IPO11: variants seen among roughly 807,000 people sequenced by gnomAD.
IPO11 encodes the protein importin-11.
In IPO11, 66 loss-of-function variants were observed where a neutral mutation model predicts 143.2. That is an observed-to-expected ratio of 0.46 (90% confidence interval 0.38 to 0.57). IPO11 has a LOEUF of 0.57. IPO11 is among the 20% of genes least tolerant of loss of function. The probability of loss-of-function intolerance (pLI) is 0.00; values close to 1 mark genes in which losing one functional copy is unlikely to be tolerated. For synonymous variants in IPO11, 385 were observed against 377.8 expected, an observed-to-expected ratio of 1.02 and a Z score of -0.22; for missense variants, 1,026 against 1,141.0, an observed-to-expected ratio of 0.90 and a Z score of 1.45.
At chr5:62,440,072 G>GA (rs1744410780) in intron 2 of IPO11, among the ~76,000 whole-genome samples, 2 of 152,158 alleles carry the variant, frequency 1.3e-5, no homozygotes, top group Non-Finnish European at 2.9e-5. Flanking sequence ...AGAAAGTTAG[G>GA]AAGTTTCTGC....
chr5:62,553,264 T>G (rs1471102349), intron 26 of IPO11, among the ~76,000 whole-genome samples: 1 of 152,118 alleles, frequency 6.6e-6, no homozygotes, highest in Non-Finnish European at 1.5e-5. Context: ...CTAGCCTCAC[T>G]CATGTTGCCA....
chr5:62,454,380 G>A (rs979489370), intron 5 of IPO11, among the ~76,000 whole-genome samples: 1 of 152,090 alleles, frequency 6.6e-6, no homozygotes, highest in African/African-American at 2.4e-5. Context: ...TTTTGTTGGG[G>A]AGAGTCTCAA....
chr5:62,489,295 T>A lies in IPO11; in HGVS notation c.1310-7T>A, dbSNP rs1398542847. ...TACTGATACCTATTTATATATATAT[T>A]TTTTAGGACCCACAAATGTGGAAGA... On this transcript the variant is annotated splice_region_variant and splice_polypyrimidine_tract_variant and intron_variant, in intron 13 of 29. Coordinates refer to ENST00000325324, the MANE Select transcript of IPO11 (RefSeq NM_016338.5). 5 of 1,507,862 alleles carry A rather than the reference T, an allele frequency of 3.3e-6. No homozygotes were observed. The highest frequency in any genetic ancestry group is 4.5e-6 in the Non-Finnish European group (5 of 1,116,636). The allele number at this position is 1,507,862 out of a possible 1,614,324, so 93.4% of individuals were successfully genotyped here.
At chr5:62,548,541 C>T (rs1188792613) in intron 24 of IPO11, among the ~76,000 whole-genome samples, 2 of 152,166 alleles carry the variant, frequency 1.3e-5, no homozygotes, top group Non-Finnish European at 2.9e-5. Context: ...AAAATACACT[C>T]TCTTCGTTCT....
At position 62,498,164 on chromosome 5, in the gene IPO11, A is replaced by G. The variant is rs1014046046; in HGVS notation, c.1590+4040A>G. On this transcript the variant is annotated intron_variant, in intron 16 of 29. Transcript: ENST00000325324. Reference sequence around the variant, plus strand: ...AGATTAAATACTGTTTTCATTAGCCATTTTTTTTTTGCATGTGGTCCAGTG... The same window carrying G: ...AGATTAAATACTGTTTTCATTAGCCGTTTTTTTTTTGCATGTGGTCCAGTG... 6.8e-5 allele frequency among the ~76,000 whole-genome samples: 10 copies of G among 147,174 alleles called. 1 individual carries two copies. The highest frequency in any genetic ancestry group is 4.8e-4 in the Admixed American group (7 of 14,712).
chr5:62,622,516 C>T (rs575430983), intron 29 of IPO11, among the ~76,000 whole-genome samples: 1 of 152,224 alleles, frequency 6.6e-6, no homozygotes, highest in East Asian at 1.9e-4. Flanking sequence ...ATTTTGATTC[C>T]CATTTAATTG....
At chr5:62,580,766 C>T in intron 27 of IPO11, 1 of 1,551,382 alleles carries the variant, frequency 6.4e-7, no homozygotes, top group East Asian at 2.4e-5. Context: ...AATGGCAGTC[C>T]TCTGGAAAAT....
chr5:62,582,841 A>G (rs1038898603), intron 27 of IPO11, among the ~76,000 whole-genome samples: 33 of 152,212 alleles, frequency 2.2e-4, no homozygotes, highest in African/African-American at 7.7e-4. Flanking sequence ...GTAAGTGCCT[A>G]TGCTTGTTGG....
intron 29 of IPO11, among the ~76,000 whole-genome samples, chr5:62,611,525 T>C (rs1745926606): frequency 6.6e-6 from 1 of 152,190 alleles, no homozygotes; most frequent in Non-Finnish European, 1.5e-5. Flanking sequence ...TATTTTTTAG[T>C]TGAGATTTCA....
intron 28 of IPO11, 68 bp from the exon 29 acceptor site, chr5:62,601,696 A>T: frequency 1.4e-6 from 1 of 723,916 alleles, no homozygotes; most frequent in Non-Finnish European, 2.1e-6. Context: ...TAGTGATTTT[A>T]AGGACTTATT....
At chr5:62,622,727 G>T (rs774255984) in intron 29 of IPO11, among the ~76,000 whole-genome samples, 1 of 152,160 alleles carries the variant, frequency 6.6e-6, no homozygotes, top group Non-Finnish European at 1.5e-5. Flanking sequence ...AGGACTAATA[G>T]AAAGAAAAAT....
At chr5:62,502,719 A>G (rs1413700008) in intron 16 of IPO11, among the ~76,000 whole-genome samples, 3 of 152,156 alleles carry the variant, frequency 2.0e-5, no homozygotes, top group Admixed American at 6.6e-5. Flanking sequence ...GTGCATCTCT[A>G]GAATAAATGG....
chr5:62,482,527 A>G (rs555702938), intron 9 of IPO11, among the ~76,000 whole-genome samples: 1 of 152,220 alleles, frequency 6.6e-6, no homozygotes, highest in African/African-American at 2.4e-5. Context: ...GCTAAGATTG[A>G]TGAGTGATCT....
chr5:62,552,349 A>ATGTAG (rs1303383302), intron 26 of IPO11, among the ~76,000 whole-genome samples: 4 of 152,114 alleles, frequency 2.6e-5, no homozygotes, highest in African/African-American at 9.6e-5. Context: ...TTTAAAATAT[A>ATGTAG]TGTAGCTTTT....
chr5:62,602,081 T>C (rs1399565488), intron 29 of IPO11, among the ~76,000 whole-genome samples: 1 of 152,220 alleles, frequency 6.6e-6, no homozygotes, highest in African/African-American at 2.4e-5. Context: ...GCAGAGCAGA[T>C]GATTTAGTGT....
intron 24 of IPO11, among the ~76,000 whole-genome samples, chr5:62,544,848 T>C (rs888658203): frequency 2.0e-5 from 3 of 152,192 alleles, no homozygotes; most frequent in African/African-American, 7.2e-5. Flanking sequence ...CCATTCACAG[T>C]TGCTTCAAAG....
At chr5:62,416,363 A>G (rs1296700765) in intron 1 of IPO11, among the ~76,000 whole-genome samples, 1 of 151,430 alleles carries the variant, frequency 6.6e-6, no homozygotes, top group African/African-American at 2.4e-5. Flanking sequence ...TTATATTTTT[A>G]GTAGAGACGG....
chr5:62,439,124 C>T (rs1052097689), intron 2 of IPO11, among the ~76,000 whole-genome samples: 1 of 151,284 alleles, frequency 6.6e-6, no homozygotes, highest in Admixed American at 6.6e-5. Context: ...AATGAATATG[C>T]TCTATAATTA....
rs1264253146 is a variant in IPO11 at position 62,550,398 on chromosome 5, T to C, written c.2282T>C (p.Ile761Thr). 2 of 1,613,148 alleles carry C rather than the reference T, an allele frequency of 1.2e-6. No homozygotes were observed. The highest frequency in any genetic ancestry group is 2.7e-5 in the African/African-American group (2 of 74,900). ...GAAAATGCCCTTAAAGTGAACCCAA[T>C]ACTAGGTCCACAAATGTTTCAACCG... ...VVENALKVNP[I>T]LGPQMFQPIL... Residue 761 changes from isoleucine to threonine, a missense_variant, in exon 25 of 30, where the codon ATA becomes ACA. Coordinates refer to ENST00000325324, the MANE Select transcript of IPO11 (RefSeq NM_016338.5).
Sources: allele counts gnomAD v4.1 joint callset (sites outside exome capture counted in the v4.1 genomes callset), GRCh38; gene constraint gnomAD v4.1.1; transcripts MANE v1.5; gene names NCBI Gene and HGNC (gene_info 2026-07-23, HGNC 2026-07-21).